SDK1: variants seen among roughly 807,000 people sequenced by gnomAD.
SDK1 encodes sidekick cell adhesion molecule 1, also known as protein sidekick-1.
Under a neutral mutation model 245.5 loss-of-function variants are expected in SDK1, and 157 were observed. The ratio of observed to expected loss-of-function variants is 0.64; its 90% CI spans 0.56 to 0.73. The LOEUF (loss-of-function observed/expected upper bound fraction) is 0.73. Ranked by LOEUF, SDK1 falls within the 30% of genes least tolerant of loss-of-function variation. SDK1 has a pLI of 0.00. For missense variants in SDK1, 3,583 were observed against 3,002.3 expected (o/e 1.19, Z -4.52); for synonymous variants, 1,647 against 1,278.5 (o/e 1.29, Z -6.15).
At chr7:3,544,863 C>G (rs1473529323) in intron 1 of SDK1, among the ~76,000 whole-genome samples, 1 of 152,180 alleles carries the variant, frequency 6.6e-6, no homozygotes, top group African/African-American at 2.4e-5. Context: ...TACCCAGGGA[C>G]TCAGGCTGAT....
chr7:4,079,371 A>G, intron 21 of SDK1, 92 bp from the exon 22 acceptor site: 2 of 1,476,260 alleles, frequency 1.4e-6, no homozygotes, highest in Non-Finnish European at 1.9e-6. Context: ...ATCGTTTTGA[A>G]ACTGTTTACT....
At chr7:4,177,249 G>C (rs1184982172) in intron 34 of SDK1, among the ~76,000 whole-genome samples, 1 of 152,192 alleles carries the variant, frequency 6.6e-6, no homozygotes, top group Non-Finnish European at 1.5e-5. Context: ...ACAATTTGCA[G>C]GCCCAAGCAC....
At chr7:3,695,745 G>A (rs560707554) in intron 4 of SDK1, among the ~76,000 whole-genome samples, 4 of 151,978 alleles carry the variant, frequency 2.6e-5, no homozygotes, top group Admixed American at 6.6e-5. Flanking sequence ...TTATTATTCC[G>A]GTGACATAAA....
At chr7:3,926,090 C>G (rs1460490391) in intron 5 of SDK1, among the ~76,000 whole-genome samples, 1 of 152,138 alleles carries the variant, frequency 6.6e-6, no homozygotes, top group Non-Finnish European at 1.5e-5. Context: ...CACAAGCTGG[C>G]TTTCCTAGTC....
At chr7:3,733,977 T>G (rs762448791) in intron 4 of SDK1, among the ~76,000 whole-genome samples, 12 of 152,136 alleles carry the variant, frequency 7.9e-5, no homozygotes, top group Non-Finnish European at 1.5e-4. Flanking sequence ...GCTCCCAAGA[T>G]GATTCAGATG....
chr7:3,664,827 G>C (rs990221655), intron 4 of SDK1, among the ~76,000 whole-genome samples: 6 of 151,990 alleles, frequency 3.9e-5, no homozygotes, highest in African/African-American at 1.2e-4. Flanking sequence ...TAATAACTTG[G>C]CATCTTTCTT....
At chr7:3,867,819 T>C (rs2115128311) in intron 5 of SDK1, among the ~76,000 whole-genome samples, 1 of 152,338 alleles carries the variant, frequency 6.6e-6, no homozygotes, top group Non-Finnish European at 1.5e-5. Flanking sequence ...GAATTTTCTT[T>C]AGAAATAACT....
Position 4,152,903 on chromosome 7 carries a change from T to C in SDK1, c.4625+3440T>C, listed in dbSNP as rs112750142. ...GGAGAGGGGTTGGGTCTGAGACGTG[T>C]TCAGGTGTTGCCAGTGTCTGGTTGG... On this transcript the variant is annotated intron_variant, in intron 30 of 44. Transcript: ENST00000404826. Among the ~76,000 whole-genome samples, 1,421 of 152,250 alleles carry C rather than the reference T, an allele frequency of 9.3e-3. 23 individuals are homozygous for C. Among genetic ancestry groups the C allele is most frequent in the African/African-American group, 0.032 (1,339 of 41,536 alleles).
rs671756 is a variant in SDK1, at chr7:4,174,308, T to C, written c.4887T>C (p.Thr1629=). ...TGGAGTATGAAGCCGGGTCAGGCAC[T>C]GAGGCCAAGACGCTCAAAAACCCTA... ...RELEYEAGSG[T]EAKTLKNPIA... is the part of the protein sequence containing the mutation. The change falls in exon 33 of 45, where the codon ACT becomes ACC. Residue 1629 remains threonine, a synonymous_variant. Coordinates refer to ENST00000404826, the MANE Select transcript of SDK1 (RefSeq NM_152744.4). 1,069,338 of 1,612,218 alleles carry C rather than the reference T, an allele frequency of 0.66. 356,302 individuals are homozygous for C. Among genetic ancestry groups the C allele is most frequent in the East Asian group, 0.76 (34,238 of 44,838 alleles).
Position 4,265,305 on chromosome 7 carries a change from C to T in SDK1, c.6563C>T (p.Thr2188Met), listed in dbSNP as rs117504728. Residue 2188 changes from threonine to methionine, a missense_variant, in exon 45 of 45, where the codon ACG becomes ATG. Thr to Met is a moderately conservative substitution (Grantham distance 81). Transcript: ENST00000404826. ...AGAQLHPVIT[T>M]QSAGGVYTPA... Reference sequence around the variant, plus strand: ...GCGCAGCTGCACCCGGTCATCACCACGCAGAGCGCGGGCGGCGTCTACACC... The same window carrying T: ...GCGCAGCTGCACCCGGTCATCACCATGCAGAGCGCGGGCGGCGTCTACACC... The T allele has an allele frequency of 6.3e-5, 99 of 1,566,066 alleles. No individual in the cohort carries two copies. The highest frequency in any genetic ancestry group is 8.3e-5 in the Non-Finnish European group (97 of 1,164,488).
At chr7:4,143,817 T>C (rs1196851257) in intron 28 of SDK1, among the ~76,000 whole-genome samples, 1 of 152,184 alleles carries the variant, frequency 6.6e-6, no homozygotes, top group East Asian at 1.9e-4. Flanking sequence ...GGGACCCATC[T>C]TGGAGCTTCA....
chr7:3,959,716 G>A (rs1048339870), intron 8 of SDK1, among the ~76,000 whole-genome samples: 1 of 152,126 alleles, frequency 6.6e-6, no homozygotes, highest in Non-Finnish European at 1.5e-5. Context: ...GTGGCCTCCG[G>A]TGCCATCCAG....
intron 1 of SDK1, among the ~76,000 whole-genome samples, chr7:3,319,878 C>CTTTTTTTTTTGTTTTTTTTTTTTTTT (rs1779755415): frequency 1.1e-5 from 1 of 88,102 alleles, no homozygotes; most frequent in Non-Finnish European, 2.2e-5. Context: ...CATTCTTAGT[C>CTTTTTTTTTTGTTTTTTTTTTTTTTT]TTTTTTTTTT....
chr7:3,896,963 G>A (rs149582989), intron 5 of SDK1, among the ~76,000 whole-genome samples: 296 of 152,288 alleles, frequency 1.9e-3, no homozygotes, highest in Admixed American at 3.1e-3. Flanking sequence ...TACAATCATG[G>A]CAGAAGGGTG....
intron 4 of SDK1, among the ~76,000 whole-genome samples, chr7:3,821,035 G>A (rs1779632236): frequency 6.6e-6 from 1 of 152,232 alleles, no homozygotes; most frequent in African/African-American, 2.4e-5. Flanking sequence ...TCGAGGTGGA[G>A]AAAACCACAA....
chr7:4,111,542 A>G (rs1446064301), intron 23 of SDK1, among the ~76,000 whole-genome samples: 1 of 152,140 alleles, frequency 6.6e-6, no homozygotes, highest in Non-Finnish European at 1.5e-5. Context: ...AAAAAAAACA[A>G]TGAGAGATGC....
chr7:3,310,992 G>A (rs1219831346), intron 1 of SDK1, among the ~76,000 whole-genome samples: 1 of 152,192 alleles, frequency 6.6e-6, no homozygotes, highest in African/African-American at 2.4e-5. Context: ...CATCCAGTAA[G>A]TGTTAGGTGG....
chr7:4,195,228 C>G (rs148345930), intron 35 of SDK1, among the ~76,000 whole-genome samples: 1 of 152,208 alleles, frequency 6.6e-6, no homozygotes, highest in Non-Finnish European at 1.5e-5. Flanking sequence ...AAAACCTACT[C>G]TTCTAGCAAC....
intron 4 of SDK1, among the ~76,000 whole-genome samples, chr7:3,809,476 C>G (rs1266679526): frequency 6.6e-6 from 1 of 152,174 alleles, no homozygotes; most frequent in Non-Finnish European, 1.5e-5. Flanking sequence ...CGCAGGTGCT[C>G]CCGTCTCTGC....
Sources: gnomAD v4.1 joint callset for allele counts (sites outside exome capture counted in the v4.1 genomes callset) on GRCh38, gnomAD v4.1.1 for gene constraint, MANE v1.5 for transcripts, NCBI Gene and HGNC (gene_info 2026-07-23, HGNC 2026-07-21) for gene names.